Variants in LUZP2 observed in about 807,000 individuals in gnomAD.
LUZP2 encodes the protein leucine zipper protein 2.
LUZP2 carries 52 observed loss-of-function variants against 51.6 expected under a neutral mutation model. The observed-to-expected ratio is 1.01, with a 90% confidence interval of 0.81 to 1.27. The LOEUF (loss-of-function observed/expected upper bound fraction) is 1.27. Among genes scored for constraint, LUZP2 ranks in the 50% most tolerant of loss-of-function variants. LUZP2 has a pLI of 0.00. For missense variants in LUZP2, 436 were observed against 395.4 expected (o/e 1.10, Z -0.87); for synonymous variants, 154 against 137.3 (o/e 1.12, Z -0.85).
intron 1 of LUZP2, among the ~76,000 whole-genome samples, chr11:24,640,736 G>A (rs552945672): frequency 6.6e-6 from 1 of 151,858 alleles, no homozygotes; most frequent in East Asian, 1.9e-4. Context: ...ATGTAGATAA[G>A]CATTAGGAGT....
intron 5 of LUZP2, among the ~76,000 whole-genome samples, chr11:24,776,497 A>T (rs1334007226): frequency 6.6e-6 from 1 of 152,194 alleles, no homozygotes; most frequent in Non-Finnish European, 1.5e-5. Flanking sequence ...CTGATAAGTA[A>T]ATATATCCAG....
chr11:24,923,076 C>T (rs761753396), intron 7 of LUZP2, among the ~76,000 whole-genome samples: 60 of 151,718 alleles, frequency 4.0e-4, no homozygotes, highest in Non-Finnish European at 7.9e-4. Context: ...TCTCGATCTC[C>T]TGACCTCGTG....
At chr11:24,859,848 A>C (rs992539370) in intron 5 of LUZP2, among the ~76,000 whole-genome samples, 4 of 152,224 alleles carry the variant, frequency 2.6e-5, no homozygotes, top group African/African-American at 9.6e-5. Flanking sequence ...ATGGATCGGA[A>C]GATCCCACTT....
At chr11:24,703,371 G>A (rs1857472849) in intron 1 of LUZP2, among the ~76,000 whole-genome samples, 1 of 152,204 alleles carries the variant, frequency 6.6e-6, no homozygotes, top group Non-Finnish European at 1.5e-5. Context: ...AGACGTAGCA[G>A]TTTAATACAG....
intron 7 of LUZP2, among the ~76,000 whole-genome samples, chr11:24,929,753 T>G (rs953494268): frequency 6.6e-6 from 1 of 152,154 alleles, no homozygotes; most frequent in Non-Finnish European, 1.5e-5. Context: ...TAGGGTATAG[T>G]TTAAGTCCAT....
At chr11:24,982,342 A>C (rs1164794077) in intron 8 of LUZP2, among the ~76,000 whole-genome samples, 2 of 151,918 alleles carry the variant, frequency 1.3e-5, no homozygotes, top group African/African-American at 4.8e-5. Flanking sequence ...ACAATAACAA[A>C]GACATAGAAT....
intron 7 of LUZP2, 105 bp from the exon 8 acceptor site, chr11:24,976,486 T>G: frequency 1.7e-6 from 1 of 597,408 alleles, no homozygotes; most frequent in Non-Finnish European, 2.7e-6. Flanking sequence ...TTTTTTTTTT[T>G]TTCTTTTCTC....
At chr11:24,572,904 C>A (rs561967690) in intron 1 of LUZP2, among the ~76,000 whole-genome samples, 1 of 151,852 alleles carries the variant, frequency 6.6e-6, no homozygotes, top group African/African-American at 2.4e-5. Context: ...GGATTCTGAG[C>A]GATTCAGTCC....
intron 1 of LUZP2, among the ~76,000 whole-genome samples, chr11:24,617,675 G>T (rs974395645): frequency 1.3e-5 from 2 of 152,046 alleles, no homozygotes; most frequent in Admixed American, 6.6e-5. Context: ...CAAAAAATTA[G>T]CTGGGCATAG....
intron 5 of LUZP2, among the ~76,000 whole-genome samples, chr11:24,882,588 T>G (rs1852507333): frequency 1.3e-5 from 2 of 152,092 alleles, no homozygotes; most frequent in East Asian, 3.8e-4. Context: ...TAACATAAAA[T>G]TCCTTGCTAT....
At chr11:25,060,607 A>G in intron 10 of LUZP2, among the ~76,000 whole-genome samples, 1 of 152,196 alleles carries the variant, frequency 6.6e-6, no homozygotes, top group East Asian at 1.9e-4. Flanking sequence ...TTGAAGGTAA[A>G]TATCATTATC....
intron 1 of LUZP2, among the ~76,000 whole-genome samples, chr11:24,629,549 C>CATATATATATATAT (rs3078021): frequency 1.1e-4 from 16 of 141,114 alleles, no homozygotes; most frequent in African/African-American, 4.2e-4. Flanking sequence ...TATTCCATTG[C>CATATATATATATAT]ATATATATAT....
At chr11:25,017,425 T>C (rs1017087678) in intron 9 of LUZP2, among the ~76,000 whole-genome samples, 2 of 152,178 alleles carry the variant, frequency 1.3e-5, no homozygotes, top group African/African-American at 4.8e-5. Context: ...TTATCTTGAG[T>C]TGAACTTTGT....
intron 1 of LUZP2, among the ~76,000 whole-genome samples, chr11:24,604,378 C>A (rs1033711155): frequency 6.6e-6 from 1 of 151,752 alleles, no homozygotes; most frequent in Non-Finnish European, 1.5e-5. Flanking sequence ...CAAGGTTAAG[C>A]AATGCAGAGT....
intron 1 of LUZP2, among the ~76,000 whole-genome samples, chr11:24,593,910 C>T (rs557121084): frequency 6.6e-6 from 1 of 152,242 alleles, no homozygotes; most frequent in East Asian, 1.9e-4. Flanking sequence ...GTTGTGGCCA[C>T]CTTTGGAAGA....
At chr11:24,763,732 A>G (rs943728822) in intron 5 of LUZP2, among the ~76,000 whole-genome samples, 2 of 152,222 alleles carry the variant, frequency 1.3e-5, no homozygotes, top group African/African-American at 4.8e-5. Context: ...TTAAACATAA[A>G]CAAGTTGTAA....
chr11:24,947,917 A>G lies in LUZP2; in HGVS notation c.523-28674A>G, dbSNP rs573659608. Among the ~76,000 whole-genome samples, 3 of 151,840 alleles carry G rather than the reference A, an allele frequency of 2.0e-5. No homozygotes were observed. The South Asian group carries it at 6.2e-4, about 32-fold the overall frequency. ...CTAATGATTGCCTTTCAACACTTTG[A>G]CTGTGATATGTCTGAGCATCAATTC... On this transcript the variant is annotated intron_variant, in intron 7 of 11. Transcript: ENST00000336930.
rs766004693 is a variant in LUZP2, at chr11:24,513,207, A to C, written c.62+15902A>C. ...CTAATATCACAAATTTCTCCTAAAA[A>C]TAAAATAATTAAAATTGTATTTGCT... On this transcript the variant is annotated intron_variant, in intron 1 of 11. Transcript: ENST00000336930. Among the ~76,000 whole-genome samples, 144 of 152,352 alleles carry C rather than the reference A, an allele frequency of 9.5e-4. 1 individual carries two copies. The highest frequency in any genetic ancestry group is 2.9e-4 in the Non-Finnish European group (20 of 68,036).
chr11:24,618,187 G>T (rs532447694), intron 1 of LUZP2, among the ~76,000 whole-genome samples: 1 of 152,096 alleles, frequency 6.6e-6, no homozygotes, highest in African/African-American at 2.4e-5. Context: ...TGAAAGTCCC[G>T]AATCTCCACT....
Sources: allele counts gnomAD v4.1 joint callset (sites outside exome capture counted in the v4.1 genomes callset), GRCh38; gene constraint gnomAD v4.1.1; transcripts MANE v1.5; gene names NCBI Gene and HGNC (gene_info 2026-07-23, HGNC 2026-07-21).